Variants in VWA2 observed in about 807,000 individuals in gnomAD.
The protein encoded by VWA2 is von Willebrand factor A domain-containing protein 2.
Under a neutral mutation model 70.4 loss-of-function variants are expected in VWA2, and 73 were observed. The ratio of observed to expected loss-of-function variants is 1.04; its 90% CI spans 0.86 to 1.26. VWA2 has a LOEUF of 1.26. Among genes scored for constraint, VWA2 ranks in the 50% most tolerant of loss-of-function variants. The pLI is 0.00. For synonymous variants in VWA2, 407 were observed against 423.3 expected, an observed-to-expected ratio of 0.96 and a Z score of 0.47; for missense variants, 1,011 against 998.5, an observed-to-expected ratio of 1.01 and a Z score of -0.17.
rs1018889950 is a variant in VWA2 at position 114,294,402 on chromosome 10, T to C, written c.*3165T>C. On this transcript the variant is annotated 3_prime_UTR_variant, in exon 14 of 14. Coordinates refer to ENST00000392982, the MANE Select transcript of VWA2 (RefSeq NM_001272046.2). ...AGGCCTCCATTTCAGTTCTGCTATTTCATATTGCCTTAGGTTGTCTATTTG... is the reference window on the plus strand; with the variant it reads ...AGGCCTCCATTTCAGTTCTGCTATTCCATATTGCCTTAGGTTGTCTATTTG... 1.3e-5 allele frequency among the ~76,000 whole-genome samples: 2 copies of C among 152,242 alleles called. No homozygotes were observed. The highest frequency in any genetic ancestry group is 4.8e-5 in the African/African-American group (2 of 41,472).
intron 8 of VWA2, chr10:114,280,583 T>G (rs539531189): frequency 6.6e-6 from 1 of 152,088 alleles, no homozygotes; most frequent in African/African-American, 2.4e-5. Flanking sequence ...TAGTGTCTGC[T>G]CCATAAATGC....
chr10:114,268,698 CTTTTTTT>C (rs1554856684), intron 5 of VWA2, among the ~76,000 whole-genome samples: 1 of 125,300 alleles, frequency 8.0e-6, no homozygotes, highest in Admixed American at 7.6e-5. Flanking sequence ...TTTCTTTTTT[CTTTTTTT>C]TTTTTTTGAG....
Position 114,286,358 on chromosome 10 carries a change from C to T in VWA2, c.1417C>T (p.Leu473=), listed in dbSNP as rs1388703402. The change falls in exon 11 of 14, where the codon CTG becomes TTG. Residue 473 remains leucine (L), a synonymous_variant. Transcript: ENST00000392982. ...GPARHARARE[L]LLLGVGSEAV... ...AGCGCGTCACGCAAGGGCGCGAGAGCTGCTCCTGCTGGGTGTAGGCAGTGA... is the reference window on the plus strand; with the variant it reads ...AGCGCGTCACGCAAGGGCGCGAGAGTTGCTCCTGCTGGGTGTAGGCAGTGA... The T allele has an allele frequency of 6.2e-7, 1 of 1,613,762 alleles. No individual in the cohort carries two copies. Among genetic ancestry groups the T allele is most frequent in the Non-Finnish European group, 8.5e-7 (1 of 1,179,982 alleles).
In VWA2 at chr10:114,261,073, G is replaced by C. The variant is rs537497133; in HGVS notation, c.262-113G>C. ...GACTGGAGAAAGCTCTGGCACTGGT[G>C]TTTGTTGAGTGGATGGGAGGCAGGG... On this transcript the variant is annotated intron_variant, in intron 4 of 13. Transcript: ENST00000392982. 2.5e-5 allele frequency: 18 copies of C among 710,928 alleles called. No homozygotes were observed. The East Asian group carries it at 4.5e-4, about 18-fold the overall frequency. The allele number at this position is 710,928 out of a possible 1,614,324, so 44.0% of individuals were successfully genotyped here.
chr10:114,272,715 C>T, intron 5 of VWA2, 25 bp from the exon 6 acceptor site: 1 of 1,538,788 alleles, frequency 6.5e-7, no homozygotes, highest in South Asian at 1.3e-5. Context: ...ACTTTTCTTT[C>T]TTTTTTCCTT....
chr10:114,256,055 A>G (rs2037320461), intron 4 of VWA2, among the ~76,000 whole-genome samples: 1 of 152,252 alleles, frequency 6.6e-6, no homozygotes, highest in South Asian at 2.1e-4. Context: ...ATCCAATAGT[A>G]TTCATCCCAG....
At chr10:114,260,122 T>G (rs1459775468) in intron 4 of VWA2, among the ~76,000 whole-genome samples, 2 of 152,202 alleles carry the variant, frequency 1.3e-5, no homozygotes, top group East Asian at 3.9e-4. Flanking sequence ...TGAGAATAGT[T>G]ACAGAGAATG....
intron 6 of VWA2, among the ~76,000 whole-genome samples, chr10:114,276,328 C>T (rs2037840870): frequency 1.3e-5 from 2 of 152,226 alleles, no homozygotes; most frequent in South Asian, 4.1e-4. Context: ...GCTGGAAACG[C>T]ACAGCCTGTG....
At chr10:114,264,694 CAGGCG>C (rs2037523815) in intron 5 of VWA2, among the ~76,000 whole-genome samples, 1 of 150,732 alleles carries the variant, frequency 6.6e-6, no homozygotes, top group Non-Finnish European at 1.5e-5. Flanking sequence ...GCTGGAATTA[CAGGCG>C]TGAGCCACTG....
At chr10:114,239,745 C>G (rs1187190455) in intron 1 of VWA2, among the ~76,000 whole-genome samples, 176 bp downstream of exon 1, 1 of 152,216 alleles carries the variant, frequency 6.6e-6, no homozygotes, top group African/African-American at 2.4e-5. Flanking sequence ...TCTGCGCGCA[C>G]CTGAGCGCGG....
chr10:114,274,835 C>T (rs893874046), intron 6 of VWA2, among the ~76,000 whole-genome samples: 3 of 152,026 alleles, frequency 2.0e-5, no homozygotes, highest in Admixed American at 6.6e-5. Context: ...AGTGAGCGGC[C>T]GCCACTGAAT....
Position 114,291,415 on chromosome 10 carries a change from C to G in VWA2, c.*178C>G. ...TCACTGAGGGAGGAGGATGTCCCAA[C>G]TGCAGCCATGCTGCTTAGAGACAAG... is the stretch of plus-strand genomic sequence containing the variant. On this transcript the variant is annotated 3_prime_UTR_variant, in exon 14 of 14. Coordinates refer to ENST00000392982, the MANE Select transcript of VWA2 (RefSeq NM_001272046.2). The G allele has an allele frequency of 1.5e-6, 1 of 688,120 alleles. No homozygotes were observed. The highest frequency in any genetic ancestry group is 2.0e-5 in the South Asian group (1 of 49,810). 42.6% of individuals were successfully genotyped at this position (688,120 alleles called of 1,614,324 possible). A position where few individuals can be genotyped will look rare whatever the true frequency, so the allele number is the denominator to read the frequency against.
At chr10:114,255,102 C>A in intron 4 of VWA2, 54 bp downstream of exon 4, 1 of 1,595,816 alleles carries the variant, frequency 6.3e-7, no homozygotes, top group Non-Finnish European at 8.6e-7. Context: ...TGATAAGGGA[C>A]AGAAACCCGG....
intron 1 of VWA2, among the ~76,000 whole-genome samples, chr10:114,240,791 T>C (rs906286731): frequency 1.3e-5 from 2 of 152,172 alleles, no homozygotes; most frequent in African/African-American, 4.8e-5. Flanking sequence ...TCCTCAGGCC[T>C]TACTCTTCTT....
At chr10:114,286,539 C>G in intron 11 of VWA2, 28 bp downstream of exon 11, 1 of 1,513,898 alleles carries the variant, frequency 6.6e-7, no homozygotes, top group South Asian at 1.3e-5. Context: ...GACCCAGGAC[C>G]GCTGGTCAGT....
At chr10:114,252,222 T>A (rs2037211513) in intron 2 of VWA2, among the ~76,000 whole-genome samples, 1 of 152,246 alleles carries the variant, frequency 6.6e-6, no homozygotes, top group Admixed American at 6.5e-5. Context: ...GTCTTGTTTC[T>A]GTCTCTGGTG....
intron 5 of VWA2, among the ~76,000 whole-genome samples, chr10:114,270,057 A>G (rs903682149): frequency 1.3e-5 from 2 of 152,236 alleles, no homozygotes; most frequent in Non-Finnish European, 2.9e-5. Flanking sequence ...CAGTACCTAA[A>G]TCAGTGAGTG....
chr10:114,239,985 C>T (rs1258748632), intron 1 of VWA2, among the ~76,000 whole-genome samples: 1 of 152,158 alleles, frequency 6.6e-6, no homozygotes, highest in African/African-American at 2.4e-5. Context: ...GAAAGGGACT[C>T]GCCCTTTGAA....
At chr10:114,284,561 G>T (rs1264064719) in intron 9 of VWA2, among the ~76,000 whole-genome samples, 1 of 152,182 alleles carries the variant, frequency 6.6e-6, no homozygotes, top group African/African-American at 2.4e-5. Flanking sequence ...CAGTCTTGAG[G>T]CACCCACACT....
Sources: gnomAD v4.1 joint callset for allele counts (sites outside exome capture counted in the v4.1 genomes callset) on GRCh38, gnomAD v4.1.1 for gene constraint, MANE v1.5 for transcripts, NCBI Gene and HGNC (gene_info 2026-07-23, HGNC 2026-07-21) for gene names.